Variants in KHDRBS2 observed in about 807,000 individuals in gnomAD.
KHDRBS2 encodes KH RNA binding domain containing, signal transduction associated 2, also known as KH domain-containing, RNA-binding, signal transduction-associated protein 2.
Under a neutral mutation model 44.3 loss-of-function variants are expected in KHDRBS2, and 26 were observed. The ratio of observed to expected loss-of-function variants is 0.59; its 90% CI spans 0.43 to 0.81. The LOEUF is 0.81. Ranked by LOEUF, KHDRBS2 falls within the 40% of genes least tolerant of loss-of-function variation. The probability of loss-of-function intolerance (pLI) is 0.00; values close to 1 mark genes in which losing one functional copy is unlikely to be tolerated. For synonymous variants in KHDRBS2, 194 were observed against 151.1 expected, an observed-to-expected ratio of 1.28 and a Z score of -2.08; for missense variants, 476 against 433.1, an observed-to-expected ratio of 1.10 and a Z score of -0.88.
chr6:62,188,059 A>G (rs1373451252), intron 1 of KHDRBS2, among the ~76,000 whole-genome samples: 2 of 151,882 alleles, frequency 1.3e-5, no homozygotes, highest in African/African-American at 4.8e-5. Flanking sequence ...AGGCTGCTTT[A>G]AACAACCAGC....
chr6:61,766,754 T>A (rs190933841), intron 6 of KHDRBS2, among the ~76,000 whole-genome samples: 165 of 152,240 alleles, frequency 1.1e-3, no homozygotes, highest in African/African-American at 3.8e-3. Flanking sequence ...TTAATTTCCA[T>A]GTGGATGTAT....
At chr6:61,835,571 T>G (rs1792514669) in intron 6 of KHDRBS2, among the ~76,000 whole-genome samples, 1 of 152,036 alleles carries the variant, frequency 6.6e-6, no homozygotes, top group Non-Finnish European at 1.5e-5. Context: ...ACTTATTATT[T>G]TAACACAAAT....
rs1554236538 is a variant in KHDRBS2, at chr6:61,848,489, A to ATG, written c.810+46144_810+46145dup. 2.5e-4 allele frequency among the ~76,000 whole-genome samples: 11 copies of ATG among 44,644 alleles called. 1 individual carries two copies. In the East Asian group the frequency reaches 2.5e-3, roughly 10 times the overall value. 29.3% of individuals were successfully genotyped at this position (44,644 alleles called of 152,430 possible). A position where few individuals can be genotyped will look rare whatever the true frequency, so the allele number is the denominator to read the frequency against. On this transcript the variant is annotated intron_variant, in intron 6 of 8. Transcript: ENST00000281156. ...AGGTTTTATATATATATATATATAT[A>ATG]TGTATATATATATATATATATGTAT...
intron 3 of KHDRBS2, among the ~76,000 whole-genome samples, chr6:61,984,446 A>C (rs1165671459): frequency 1.3e-5 from 2 of 152,184 alleles, no homozygotes; most frequent in Admixed American, 1.3e-4. Context: ...AAGTGAAAAC[A>C]GTTGAGCTAA....
chr6:62,234,287 T>A (rs1833354359), intron 1 of KHDRBS2, among the ~76,000 whole-genome samples: 2 of 152,154 alleles, frequency 1.3e-5, no homozygotes, highest in Non-Finnish European at 2.9e-5. Context: ...GGAAAAGTAA[T>A]CTGATCTTTC....
intron 1 of KHDRBS2, among the ~76,000 whole-genome samples, chr6:62,261,448 C>A (rs1468670941): frequency 6.6e-6 from 1 of 151,828 alleles, no homozygotes; most frequent in Non-Finnish European, 1.5e-5. Context: ...GCATTACTAT[C>A]TGCTAAAATA....
intron 2 of KHDRBS2, among the ~76,000 whole-genome samples, chr6:62,071,613 C>A (rs1263773912): frequency 6.6e-6 from 1 of 152,136 alleles, no homozygotes; most frequent in African/African-American, 2.4e-5. Context: ...TTCCCCATTG[C>A]TTGCTTTTGT....
At chr6:62,104,079 A>C (rs1477390446) in intron 2 of KHDRBS2, among the ~76,000 whole-genome samples, 2 of 152,200 alleles carry the variant, frequency 1.3e-5, no homozygotes, top group Non-Finnish European at 2.9e-5. Context: ...TAGGATTTTT[A>C]TTGCTTAAAT....
At chr6:62,068,749 C>T (rs1011525416) in intron 2 of KHDRBS2, among the ~76,000 whole-genome samples, 1 of 151,492 alleles carries the variant, frequency 6.6e-6, no homozygotes, top group African/African-American at 2.4e-5. Context: ...TTGTTGAAAA[C>T]ACTATTCTTT....
intron 3 of KHDRBS2, among the ~76,000 whole-genome samples, chr6:61,986,509 A>G (rs1279011742): frequency 6.6e-6 from 1 of 152,218 alleles, no homozygotes; most frequent in Non-Finnish European, 1.5e-5. Context: ...CTTTAAGGAA[A>G]TGTATACTTG....
the KHDRBS2 span, among the ~76,000 whole-genome samples, chr6:61,661,700 G>A: frequency 7.9e-5 from 12 of 151,874 alleles, no homozygotes; most frequent in African/African-American, 2.9e-4. Flanking sequence ...GGGACATGAA[G>A]GACCTCTTCA....
the KHDRBS2 span, among the ~76,000 whole-genome samples, chr6:61,613,365 A>G: frequency 2.0e-5 from 3 of 152,136 alleles, no homozygotes; most frequent in Non-Finnish European, 4.4e-5. Flanking sequence ...TTTAACAATC[A>G]TTTTTTGTCA....
chr6:62,010,912 T>G (rs781724790), intron 3 of KHDRBS2, among the ~76,000 whole-genome samples: 1 of 152,130 alleles, frequency 6.6e-6, no homozygotes, highest in Non-Finnish European at 1.5e-5. Context: ...GCAAATAAAA[T>G]TAGGGCCCAA....
rs376172093 is a variant in KHDRBS2 at position 61,729,734 on chromosome 6, A to G, written c.893+2948T>C. Reference sequence around the variant, plus strand: ...TTTTAGACTCTTATTTGCAATTTGTATATCTTCTTTGGTGAAATGTCAGTT... The same window carrying G: ...TTTTAGACTCTTATTTGCAATTTGTGTATCTTCTTTGGTGAAATGTCAGTT... On this transcript the variant is annotated intron_variant, in intron 7 of 8. Coordinates refer to ENST00000281156, the MANE Select transcript of KHDRBS2 (RefSeq NM_152688.4). 3.3e-5 allele frequency among the ~76,000 whole-genome samples: 5 copies of G among 152,184 alleles called. No individual in the cohort carries two copies. In the East Asian group the frequency reaches 9.7e-4, roughly 29 times the overall value.
intron 4 of KHDRBS2, among the ~76,000 whole-genome samples, chr6:61,925,264 A>T (rs1319331119): frequency 6.6e-6 from 1 of 152,152 alleles, no homozygotes; most frequent in Admixed American, 6.5e-5. Flanking sequence ...ATATTATCCA[A>T]TTTACATTGC....
At chr6:61,575,092 C>T in the KHDRBS2 span, among the ~76,000 whole-genome samples, 1 of 152,044 alleles carries the variant, frequency 6.6e-6, no homozygotes, top group African/African-American at 2.4e-5. Context: ...GCAAATACAA[C>T]AAAAACAAAA....
intron 1 of KHDRBS2, among the ~76,000 whole-genome samples, chr6:62,234,458 T>A (rs1328542793): frequency 1.3e-5 from 2 of 152,088 alleles, no homozygotes; most frequent in Non-Finnish European, 2.9e-5. Flanking sequence ...GCATACACAG[T>A]GATGAAAATG....
chr6:61,935,908 C>T (rs750976148), intron 4 of KHDRBS2, among the ~76,000 whole-genome samples: 3 of 152,024 alleles, frequency 2.0e-5, no homozygotes, highest in Non-Finnish European at 4.4e-5. Context: ...ATAGTTTATA[C>T]AATAATAATG....
intron 1 of KHDRBS2, among the ~76,000 whole-genome samples, chr6:62,201,901 G>A (rs753676277): frequency 6.6e-6 from 1 of 151,880 alleles, no homozygotes; most frequent in Non-Finnish European, 1.5e-5. Flanking sequence ...TAAATATTTA[G>A]AGCATATGAA....
Sources: gnomAD v4.1 joint callset for allele counts (sites outside exome capture counted in the v4.1 genomes callset) on GRCh38, gnomAD v4.1.1 for gene constraint, MANE v1.5 for transcripts, NCBI Gene and HGNC (gene_info 2026-07-23, HGNC 2026-07-21) for gene names.